Variants in MATCAP2 observed in about 807,000 individuals in gnomAD.
MATCAP2 encodes microtubule associated tyrosine carboxypeptidase 2.
the MATCAP2 span, among the ~76,000 whole-genome samples, chr7:36,336,619 C>G: frequency 1.3e-5 from 2 of 151,952 alleles, no homozygotes; most frequent in Admixed American, 6.6e-5. Context: ...CTCCTGGCTT[C>G]TCTAAGATAA....
At chr7:36,359,946 G>A in the MATCAP2 span, among the ~76,000 whole-genome samples, 1 of 152,140 alleles carries the variant, frequency 6.6e-6, no homozygotes, top group Non-Finnish European at 1.5e-5. Flanking sequence ...GGGAAAGACT[G>A]AAAGAACTCA....
At chr7:36,371,753 GTTTT>G in the MATCAP2 span, among the ~76,000 whole-genome samples, 14 of 151,494 alleles carry the variant, frequency 9.2e-5, no homozygotes, top group Admixed American at 9.2e-4. Flanking sequence ...TTTCACTTTG[GTTTT>G]TTTTGTGTTT....
chr7:36,349,407 T>C, the MATCAP2 span, among the ~76,000 whole-genome samples: 16 of 152,190 alleles, frequency 1.1e-4, no homozygotes, highest in Non-Finnish European at 2.1e-4. Context: ...TATTATATTC[T>C]ACCTATGCAG....
the MATCAP2 span, chr7:36,324,501 A>C: frequency 6.6e-6 from 1 of 150,432 alleles, no homozygotes; most frequent in Non-Finnish European, 1.5e-5. Flanking sequence ...ACAAATAACT[A>C]TTATAATTAA....
chr7:36,350,048 C>A, the MATCAP2 span, among the ~76,000 whole-genome samples: 1 of 152,204 alleles, frequency 6.6e-6, no homozygotes, highest in African/African-American at 2.4e-5. Flanking sequence ...ATCATGTCAC[C>A]TAGGAAAAGG....
chr7:36,379,847 C>CACAG, the MATCAP2 span, among the ~76,000 whole-genome samples: 74 of 107,692 alleles, frequency 6.9e-4, no homozygotes, highest in African/African-American at 2.4e-3. Flanking sequence ...CACACACACA[C>CACAG]AGAGAGAGAG....
chr7:36,379,083 G>C, the MATCAP2 span, among the ~76,000 whole-genome samples: 1 of 152,218 alleles, frequency 6.6e-6, no homozygotes, highest in African/African-American at 2.4e-5. Flanking sequence ...GCCCTGCTTC[G>C]GCTTGCCCTC....
the MATCAP2 span, among the ~76,000 whole-genome samples, chr7:36,332,379 T>C: frequency 6.6e-6 from 1 of 152,202 alleles, no homozygotes; most frequent in Admixed American, 6.5e-5. Flanking sequence ...TCTAAGAGTA[T>C]TGAGAAGAGT....
chr7:36,384,643 A>G, the MATCAP2 span, among the ~76,000 whole-genome samples: 1 of 152,178 alleles, frequency 6.6e-6, no homozygotes, highest in African/African-American at 2.4e-5. Context: ...GAGTAATAGA[A>G]TGGAAAGTGA....
the MATCAP2 span, among the ~76,000 whole-genome samples, chr7:36,381,128 G>A: frequency 6.6e-6 from 1 of 152,184 alleles, no homozygotes; most frequent in Non-Finnish European, 1.5e-5. Context: ...TGAAAAAGGA[G>A]AATGAACTGA....
the MATCAP2 span, among the ~76,000 whole-genome samples, chr7:36,328,613 A>C: frequency 6.6e-6 from 1 of 151,680 alleles, no homozygotes; most frequent in Non-Finnish European, 1.5e-5. Flanking sequence ...GTGTGGTGGC[A>C]GGTGCCTGTA....
chr7:36,358,093 G>T, the MATCAP2 span, among the ~76,000 whole-genome samples: 2 of 152,000 alleles, frequency 1.3e-5, no homozygotes, highest in Non-Finnish European at 2.9e-5. Flanking sequence ...AGCTACTCAG[G>T]AGGCTGAGGC....
chr7:36,383,742 C>T, the MATCAP2 span: 5 of 608,562 alleles, frequency 8.2e-6, no homozygotes, highest in East Asian at 1.0e-4. Context: ...CAGCAAACCA[C>T]CATGGCACGT....
At chr7:36,385,945 A>G in the MATCAP2 span, among the ~76,000 whole-genome samples, 2 of 152,162 alleles carry the variant, frequency 1.3e-5, no homozygotes, top group African/African-American at 4.8e-5. Context: ...ACTTGTGGCC[A>G]GGAATTCGAG....
chr7:36,362,268 G>A, the MATCAP2 span, among the ~76,000 whole-genome samples: 1 of 152,024 alleles, frequency 6.6e-6, no homozygotes, highest in African/African-American at 2.4e-5. Context: ...GTAGTTTATC[G>A]ACTGTATGAA....
At chr7:36,390,050 T>C in the MATCAP2 span, 1 of 1,613,536 alleles carries the variant, frequency 6.2e-7, no homozygotes, top group East Asian at 2.2e-5. Flanking sequence ...CGGAGGTGAG[T>C]GAGTTTGCGG....
At chr7:36,345,652 T>C in the MATCAP2 span, among the ~76,000 whole-genome samples, 1 of 152,206 alleles carries the variant, frequency 6.6e-6, no homozygotes, top group Admixed American at 6.5e-5. Flanking sequence ...GATATCCACA[T>C]TTAAAAGAAT....
At chr7:36,348,341 G>C in the MATCAP2 span, among the ~76,000 whole-genome samples, 1 of 152,186 alleles carries the variant, frequency 6.6e-6, no homozygotes, top group African/African-American at 2.4e-5. Context: ...GACAGTGGTA[G>C]TCACACACTA....
the MATCAP2 span, among the ~76,000 whole-genome samples, chr7:36,340,207 A>G: frequency 1.1e-4 from 16 of 152,234 alleles, no homozygotes; most frequent in Non-Finnish European, 2.1e-4. Context: ...AATTTCAGAT[A>G]AAATTATAAT....
Sources: gnomAD v4.1 joint callset for allele counts (sites outside exome capture counted in the v4.1 genomes callset) on GRCh38, gnomAD v4.1.1 for gene constraint, MANE v1.5 for transcripts, NCBI Gene and HGNC (gene_info 2026-07-23, HGNC 2026-07-21) for gene names.